Variants in PEAK1 observed in about 807,000 individuals in gnomAD.
The protein encoded by PEAK1 is pseudopodium enriched atypical kinase 1, also known as inactive tyrosine-protein kinase PEAK1.
In PEAK1, 54 loss-of-function variants were observed where a neutral mutation model predicts 124.7. The ratio of observed to expected loss-of-function variants is 0.43; its 90% confidence interval spans 0.35 to 0.54. The LOEUF (loss-of-function observed/expected upper bound fraction) is 0.54, where lower values mean the gene tolerates loss of function less well. Ranked by LOEUF, PEAK1 falls within the 20% of genes least tolerant of loss-of-function variation. The pLI, the probability that PEAK1 is intolerant of heterozygous loss-of-function variation, is 0.01. For missense variants in PEAK1, 2,046 were observed against 2,134.5 expected, an observed-to-expected ratio of 0.96 and a Z score of 0.82; for synonymous variants, 719 against 760.0, an observed-to-expected ratio of 0.95 and a Z score of 0.89.
At chr15:77,314,790 C>A (rs1371581175) in intron 2 of PEAK1, among the ~76,000 whole-genome samples, 1 of 152,070 alleles carries the variant, frequency 6.6e-6, no homozygotes, top group African/African-American at 2.4e-5. Flanking sequence ...GATAAATGTA[C>A]AGAGTAACGT....
rs1330902245 is a variant in PEAK1, at chr15:77,179,124, G to A, written c.2803C>T (p.Arg935Trp). ...TTGTCATCCTCCTCATCTGTTTTCC[G>A]ACGGCGGAAGAAGCTTTTAAATGAT... ...WISFKSFFRRRKTDEEDDKEK... is the reference protein window; with the variant it reads ...WISFKSFFRRWKTDEEDDKEK... Residue 935 changes from arginine to tryptophan, a missense_variant, in exon 7 of 10, where the codon CGG becomes TGG. Coordinates refer to ENST00000682557, the MANE Select transcript of PEAK1 (RefSeq NM_001385026.1). The A allele has an allele frequency of 3.2e-5, 51 of 1,614,018 alleles. 1 individual carries two copies. The highest frequency in any genetic ancestry group is 1.9e-4 in the South Asian group (17 of 91,076).
At chr15:77,339,352 C>T (rs1377795414) in intron 2 of PEAK1, among the ~76,000 whole-genome samples, 2 of 152,132 alleles carry the variant, frequency 1.3e-5, no homozygotes, top group South Asian at 2.1e-4. Flanking sequence ...AATCCACTGC[C>T]TTAGCCTCCC....
At position 77,181,850 on chromosome 15, in the gene PEAK1, A is replaced by C; in HGVS notation, c.77T>G (p.Leu26Trp). 1 of 1,613,414 alleles carries C rather than the reference A, an allele frequency of 6.2e-7. No individual in the cohort carries two copies. Among genetic ancestry groups the C allele is most frequent in the Non-Finnish European group, 8.5e-7 (1 of 1,179,508 alleles). The change falls in exon 7 of 10, where the codon TTG becomes TGG. Residue 26 changes from leucine to tryptophan, a missense_variant. Leu to Trp is a moderately conservative substitution (Grantham distance 61). Transcript: ENST00000682557. ...CTCAGGGTCTGGGGGAAGCTGGTGCAAACTTTTAGGTTTAAAGCAATTCTT... is the reference window on the plus strand; with the variant it reads ...CTCAGGGTCTGGGGGAAGCTGGTGCCAACTTTTAGGTTTAAAGCAATTCTT... ...ECKNCFKPKS[L>W]HQLPPDPEKA...
chr15:77,175,124 C>T (rs927305405), intron 7 of PEAK1, among the ~76,000 whole-genome samples: 46 of 152,060 alleles, frequency 3.0e-4, no homozygotes, highest in African/African-American at 1.0e-3. Flanking sequence ...AAGACTTAAA[C>T]GTTAGATCTA....
intron 6 of PEAK1, among the ~76,000 whole-genome samples, chr15:77,195,599 G>A (rs184708998): frequency 1.3e-5 from 2 of 152,062 alleles, no homozygotes; most frequent in Non-Finnish European, 1.5e-5. Flanking sequence ...TTGACTTCAG[G>A]CTGATGTGTG....
intron 2 of PEAK1, among the ~76,000 whole-genome samples, chr15:77,304,625 T>A (rs2063982739): frequency 6.6e-6 from 1 of 151,974 alleles, no homozygotes; most frequent in South Asian, 2.1e-4. Flanking sequence ...TTTTTTTGTA[T>A]TTTTAGTAGA....
At chr15:77,176,023 T>C (rs1266671239) in intron 7 of PEAK1, among the ~76,000 whole-genome samples, 3 of 151,876 alleles carry the variant, frequency 2.0e-5, no homozygotes, top group South Asian at 4.2e-4. Context: ...AAACACTGCA[T>C]GTTCTACTCA....
chr15:77,351,045 C>A, intron 2 of PEAK1: 2 of 707,174 alleles, frequency 2.8e-6, no homozygotes, highest in Non-Finnish European at 3.5e-6. Context: ...AAATCAGCCC[C>A]TGCCTTCAGA....
At chr15:77,302,610 G>A (rs903313587) in intron 2 of PEAK1, among the ~76,000 whole-genome samples, 5 of 152,024 alleles carry the variant, frequency 3.3e-5, no homozygotes, top group Admixed American at 6.5e-5. Context: ...AAGTAAGTAC[G>A]GTAAGACTAA....
Position 77,355,809 on chromosome 15 carries a change from G to T in PEAK1, c.-603+9354C>A, listed in dbSNP as rs760415323. On this transcript the variant is annotated intron_variant, in intron 2 of 9. Coordinates refer to ENST00000682557, the MANE Select transcript of PEAK1 (RefSeq NM_001385026.1). Reference sequence around the variant, plus strand: ...CCTCGATTCCAATTCCTGTAGAATCGGAATTATAATAGAAAAACTGCTGAC... The same window carrying T: ...CCTCGATTCCAATTCCTGTAGAATCTGAATTATAATAGAAAAACTGCTGAC... The T allele has an allele frequency of 5.5e-5, 54 of 985,256 alleles. No individual in the cohort carries two copies. The African/African-American group carries it at 8.2e-4, about 15-fold the overall frequency. The allele number at this position is 985,256 out of a possible 1,614,324, so 61.0% of individuals were successfully genotyped here.
At chr15:77,107,074 C>G (rs1309844212), downstream of PEAK1, 1 of 152,300 alleles carries the variant, frequency 6.6e-6, no homozygotes, top group African/African-American at 2.4e-5. Context: ...CTCAGGCCAG[C>G]AGAGCTTCAC....
At chr15:77,292,167 G>A (rs2063254819) in intron 2 of PEAK1, among the ~76,000 whole-genome samples, 1 of 152,056 alleles carries the variant, frequency 6.6e-6, no homozygotes, top group Non-Finnish European at 1.5e-5. Context: ...CACAAACACT[G>A]AGTTAGTGAA....
chr15:77,377,306 C>A (rs1222994177), intron 1 of PEAK1, among the ~76,000 whole-genome samples: 2 of 152,086 alleles, frequency 1.3e-5, no homozygotes, highest in Non-Finnish European at 2.9e-5. Context: ...ATTGCTTAAG[C>A]CAGAAAGGTG....
At chr15:77,242,097 T>C (rs2060383547) in intron 6 of PEAK1, among the ~76,000 whole-genome samples, 1 of 152,136 alleles carries the variant, frequency 6.6e-6, no homozygotes, top group Non-Finnish European at 1.5e-5. Context: ...GTATTTACAG[T>C]ATGTTCCATA....
intron 1 of PEAK1, chr15:77,401,849 T>A (rs1439476951): frequency 1.0e-6 from 1 of 984,728 alleles, no homozygotes; most frequent in African/African-American, 1.7e-5. Context: ...CATCTTGCTT[T>A]ATTATATTTT....
At chr15:77,202,686 T>C (rs12900433) in intron 6 of PEAK1, among the ~76,000 whole-genome samples, 99,280 of 151,322 alleles carry the variant, frequency 0.66, 33,500 homozygotes, top group Non-Finnish European at 0.75. Flanking sequence ...AGGAGAATGA[T>C]GCGAACCCGG....
intron 6 of PEAK1, among the ~76,000 whole-genome samples, chr15:77,218,090 A>G (rs541502089): frequency 1.1e-4 from 17 of 152,184 alleles, no homozygotes; most frequent in Non-Finnish European, 2.1e-4. Context: ...TCCAATCTGT[A>G]TGCCTTTATA....
intron 2 of PEAK1, among the ~76,000 whole-genome samples, chr15:77,324,443 T>A (rs921909852): frequency 6.6e-6 from 1 of 152,210 alleles, no homozygotes; most frequent in Non-Finnish European, 1.5e-5. Flanking sequence ...ATCACACCAC[T>A]GGGCGACAGA....
chr15:77,159,558 T>C (rs1025557568), intron 7 of PEAK1, among the ~76,000 whole-genome samples: 2 of 152,198 alleles, frequency 1.3e-5, no homozygotes, highest in African/African-American at 4.8e-5. Flanking sequence ...AAATCATGCA[T>C]CTTTAAAGTT....
Sources: allele counts gnomAD v4.1 joint callset (sites outside exome capture counted in the v4.1 genomes callset), GRCh38; gene constraint gnomAD v4.1.1; transcripts MANE v1.5; gene names NCBI Gene and HGNC (gene_info 2026-07-23, HGNC 2026-07-21).